Variants in CDK12 observed in about 807,000 individuals in gnomAD.
CDK12 encodes the protein cyclin-dependent kinase 12.
Under a neutral mutation model 133.8 loss-of-function variants are expected in CDK12, and 17 were observed. That is an observed-to-expected ratio of 0.13 (90% CI 0.09 to 0.19). CDK12 has a LOEUF of 0.19. Ranked by LOEUF, CDK12 falls within the 10% of genes least tolerant of loss-of-function variation. The pLI is 1.00. For missense variants in CDK12, 1,508 were observed against 1,818.7 expected (o/e 0.83, Z 3.11); for synonymous variants, 694 against 683.6 (o/e 1.02, Z -0.24).
At chr17:39,495,530 G>A (rs559810918) in intron 5 of CDK12, among the ~76,000 whole-genome samples, 3 of 151,338 alleles carry the variant, frequency 2.0e-5, no homozygotes, top group African/African-American at 4.8e-5. Context: ...AGTGGCTCAC[G>A]CCTGTAATCC....
chr17:39,564,716 CTATTTA>C lies in CDK12; in HGVS notation n.485-37_485-32del, dbSNP rs1267205885. The C allele has an allele frequency of 3.3e-5, 5 of 152,168 alleles. No individual in the cohort carries two copies. In the East Asian group the frequency reaches 7.7e-4, roughly 23 times the overall value. 9.4% of individuals were successfully genotyped at this position (152,168 alleles called of 1,614,324 possible). On this transcript the variant is annotated intron_variant and non_coding_transcript_variant, in intron 3 of 3. Transcript: ENST00000558240. ...TCTATATTCAGTTCCCCTCCCCTGT[CTATTTA>C]TATTTAATAACTGAAACCCTGTCTT...
chr17:39,490,037 C>A (rs1222167664), intron 2 of CDK12, among the ~76,000 whole-genome samples: 1 of 151,574 alleles, frequency 6.6e-6, no homozygotes, highest in Non-Finnish European at 1.5e-5. Context: ...ACAAATATTT[C>A]ATTGTTTTTA....
At chr17:39,553,116 T>C (rs1312837865) in intron 2 of CDK12, among the ~76,000 whole-genome samples, 2 of 152,068 alleles carry the variant, frequency 1.3e-5, no homozygotes, top group Non-Finnish European at 2.9e-5. Context: ...GTACCCAGAA[T>C]TTCCTGCACT....
rs773349590 is a variant in CDK12, at chr17:39,509,742, C to T, written c.2647C>T (p.Leu883Phe). 6.2e-7 allele frequency: 1 copy of T among 1,610,816 alleles called. No individual in the cohort carries two copies. Among genetic ancestry groups the T allele is most frequent in the South Asian group, 1.1e-5 (1 of 91,006 alleles). The part of the protein sequence containing the change: ...IKLADFGLAR[L>F]YNSEESRPYT... ...ACTAGCAGATTTTGGACTTGCTCGG[C>T]TCTATAACTCTGAAGAGAGGTAAGG... is the stretch of plus-strand genomic sequence containing the variant. Residue 883 changes from leucine to phenylalanine, a missense_variant, in exon 7 of 14, where the codon CTC becomes TTC. Coordinates refer to ENST00000447079, the MANE Select transcript of CDK12 (RefSeq NM_016507.4).
At chr17:39,470,453 CTT>C (rs2049710505) in intron 1 of CDK12, among the ~76,000 whole-genome samples, 1 of 152,068 alleles carries the variant, frequency 6.6e-6, no homozygotes, top group Non-Finnish European at 1.5e-5. Flanking sequence ...AACTTTATTT[CTT>C]TAGAGTAGTT....
At chr17:39,500,332 A>G (rs976796650) in intron 5 of CDK12, among the ~76,000 whole-genome samples, 3 of 149,430 alleles carry the variant, frequency 2.0e-5, no homozygotes, top group Admixed American at 2.0e-4. Flanking sequence ...CGCTGTCTCA[A>G]AAAAAAAAAG....
At chr17:39,491,266 C>A (rs1325251700) in intron 3 of CDK12, among the ~76,000 whole-genome samples, 1 of 151,998 alleles carries the variant, frequency 6.6e-6, no homozygotes, top group Admixed American at 6.6e-5. Flanking sequence ...GACAGAGTTG[C>A]GTTCTTTGTT....
chr17:39,463,916 A>T (rs1039490614), intron 1 of CDK12, among the ~76,000 whole-genome samples: 1 of 152,030 alleles, frequency 6.6e-6, no homozygotes, highest in Non-Finnish European at 1.5e-5. Flanking sequence ...CTAGGTAATG[A>T]GATGTATCTC....
intron 8 of CDK12, among the ~76,000 whole-genome samples, chr17:39,512,526 A>G (rs1335245600): frequency 6.6e-6 from 1 of 152,220 alleles, no homozygotes. Flanking sequence ...TCAGCTTTTT[A>G]TTATGGCCTT....
rs574899956 is a variant in CDK12, at chr17:39,464,925, C to T, written c.1046+1808C>T. Among the ~76,000 whole-genome samples, 6 of 150,692 alleles carry T rather than the reference C, an allele frequency of 4.0e-5. 1 individual carries two copies. In the East Asian group the frequency reaches 7.8e-4, roughly 20 times the overall value. On this transcript the variant is annotated intron_variant, in intron 1 of 13. Transcript: ENST00000447079. Reference sequence around the variant, plus strand: ...TGTGATCACACCACTGCACTCCAGCCTGAGCAACAGAGTGAGACCCTGTCT... The same window carrying T: ...TGTGATCACACCACTGCACTCCAGCTTGAGCAACAGAGTGAGACCCTGTCT...
chr17:39,528,553 T>C (rs890668956), intron 13 of CDK12, among the ~76,000 whole-genome samples: 3 of 152,200 alleles, frequency 2.0e-5, no homozygotes, highest in Non-Finnish European at 2.9e-5. Flanking sequence ...CAGGCTGGTC[T>C]CTAACTCCTG....
downstream of CDK12, among the ~76,000 whole-genome samples, chr17:39,538,750 T>C (rs574147906): frequency 2.0e-4 from 30 of 152,116 alleles, no homozygotes; most frequent in South Asian, 6.2e-4. Context: ...TACAAAAAAT[T>C]AGCCAGGCGT....
rs2049052004 is a variant in CDK12 at position 39,462,925 on chromosome 17, A to C, written c.854A>C (p.Tyr285Ser). Reference sequence around the variant, plus strand: ...CCCCCTTACAAGGAGCCTTCGGCCTACCAGTCCAGCACCCGGTCACCGAGC... The same window carrying C: ...CCCCCTTACAAGGAGCCTTCGGCCTCCCAGTCCAGCACCCGGTCACCGAGC... ...VSPPYKEPSA[Y>S]QSSTRSPSPY... Residue 285 changes from tyrosine to serine, a missense_variant, in exon 1 of 14, where the codon TAC becomes TCC. Around this residue, in one of 9 missense-constraint regions of CDK12, gnomAD observed 460 missense variants for 490.8 expected, o/e 0.94. Coordinates refer to ENST00000447079, the MANE Select transcript of CDK12 (RefSeq NM_016507.4). The C allele has an allele frequency of 6.2e-7, 1 of 1,614,198 alleles. No individual in the cohort carries two copies. Among genetic ancestry groups the C allele is most frequent in the Non-Finnish European group, 8.5e-7 (1 of 1,180,020 alleles).
chr17:39,487,413 C>T lies in CDK12; in HGVS notation c.1932-3144C>T, dbSNP rs192062221. On this transcript the variant is annotated intron_variant, in intron 2 of 13. Transcript: ENST00000447079. ...GTCTAGGAAATATTCATGCAAAGCA[C>T]CAATATTTTCCTTTATAACTACCTG... Among the ~76,000 whole-genome samples, 1,070 of 152,160 alleles carry T rather than the reference C, an allele frequency of 7.0e-3. 7 individuals carry two copies. Among genetic ancestry groups the T allele is most frequent in the Middle Eastern group, 0.034 (10 of 294 alleles).
At chr17:39,566,048 C>T (rs1246264396), downstream of CDK12, among the ~76,000 whole-genome samples, 3 of 152,158 alleles carry the variant, frequency 2.0e-5, no homozygotes, top group African/African-American at 7.2e-5. Context: ...AGGTTATTAT[C>T]CACTTGATCT....
At chr17:39,560,687 G>A (rs2056340669) in intron 3 of CDK12, among the ~76,000 whole-genome samples, 1 of 152,196 alleles carries the variant, frequency 6.6e-6, no homozygotes, top group Non-Finnish European at 1.5e-5. Context: ...GGGTCACTCA[G>A]GTCCTCACAG....
At chr17:39,498,346 T>C (rs1459591403) in intron 5 of CDK12, among the ~76,000 whole-genome samples, 1 of 152,020 alleles carries the variant, frequency 6.6e-6, no homozygotes, top group East Asian at 1.9e-4. Context: ...TGCCTCAACC[T>C]CCCAAGTAGC....
chr17:39,475,780 C>T (rs1015309982), intron 2 of CDK12, among the ~76,000 whole-genome samples: 15 of 151,724 alleles, frequency 9.9e-5, no homozygotes, highest in South Asian at 2.1e-4. Context: ...CTCCTGACCT[C>T]GTGATTCGCC....
At chr17:39,538,783 A>G (rs2055262951), downstream of CDK12, among the ~76,000 whole-genome samples, 1 of 152,216 alleles carries the variant, frequency 6.6e-6, no homozygotes, top group South Asian at 2.1e-4. Flanking sequence ...CTGTAGTCCC[A>G]GCTTCCCGGG....
Sources: gnomAD v4.1 joint callset for allele counts (sites outside exome capture counted in the v4.1 genomes callset) on GRCh38, gnomAD v4.1.1 for gene constraint, gnomAD v4.1.1 regional missense constraint, MANE v1.5 for transcripts, NCBI Gene and HGNC (gene_info 2026-07-23, HGNC 2026-07-21) for gene names.